The following ACLY variants were observed in gnomAD, a reference collection of about 807,000 sequenced individuals.
ACLY encodes ATP citrate lyase.
Under a neutral mutation model 133.0 loss-of-function variants are expected in ACLY, and 41 were observed. The observed-to-expected ratio is 0.31, with a 90% CI of 0.24 to 0.40. The LOEUF (loss-of-function observed/expected upper bound fraction) is 0.40, where lower values mean the gene tolerates loss of function less well. Among genes scored for constraint, ACLY ranks in the 10% least tolerant of loss-of-function variants. ACLY has a pLI of 1.00. For missense variants in ACLY, 1,046 were observed against 1,453.8 expected, an observed-to-expected ratio of 0.72 and a Z score of 4.56; for synonymous variants, 495 against 549.3, an observed-to-expected ratio of 0.90 and a Z score of 1.38.
Position 41,897,857 on chromosome 17 carries a change from G to C in ACLY, c.1339-18C>G. 6.2e-7 allele frequency: 1 copy of C among 1,607,954 alleles called. No homozygotes were observed. Among genetic ancestry groups the C allele is most frequent in the Non-Finnish European group, 8.5e-7 (1 of 1,176,994 alleles). On this transcript the variant is annotated intron_variant, in intron 12 of 28. Transcript: ENST00000352035. The stretch of plus-strand genomic sequence containing the variant: ...GCTGGCGTCTGGGGTGAGATAAGGA[G>C]AGAGTGTAAGAGGTAAGAGTCACAC...
intron 25 of ACLY, 91 bp from the exon 26 acceptor site, chr17:41,869,678 A>G (rs2048550852): frequency 9.0e-7 from 1 of 1,111,364 alleles, no homozygotes; most frequent in Non-Finnish European, 1.4e-6. Context: ...AGAACTGGAC[A>G]TATCCCAGCG....
upstream of ACLY, among the ~76,000 whole-genome samples, chr17:41,922,272 A>G (rs782678875): frequency 3.3e-5 from 5 of 150,328 alleles, no homozygotes; most frequent in Admixed American, 6.6e-5. Context: ...CCAGCTACTC[A>G]GGAGGCTGAG....
chr17:41,891,827 A>G (rs2049221607), intron 16 of ACLY, among the ~76,000 whole-genome samples: 1 of 152,168 alleles, frequency 6.6e-6, no homozygotes, highest in Non-Finnish European at 1.5e-5. Flanking sequence ...CTTCCTGAGT[A>G]GCTGGGACTA....
chr17:41,910,375 G>T, intron 3 of ACLY, 91 bp from the exon 4 acceptor site: 1 of 1,110,354 alleles, frequency 9.0e-7, no homozygotes, highest in Non-Finnish European at 1.3e-6. Flanking sequence ...TGGTGCCCAA[G>T]CACTCCCACC....
chr17:41,881,104 A>G (rs1292677070), intron 20 of ACLY, among the ~76,000 whole-genome samples: 1 of 151,296 alleles, frequency 6.6e-6, no homozygotes, highest in Non-Finnish European at 1.5e-5. Context: ...AGTTGGGGGG[A>G]GAGCAATGGA....
upstream of ACLY, chr17:41,919,089 CGCT>C: frequency 8.2e-7 from 1 of 1,212,372 alleles, no homozygotes; most frequent in Non-Finnish European, 1.0e-6. Context: ...CCTCCCAATT[CGCT>C]GCTGGCTTGG....
chr17:41,904,818 AAC>A (rs782589281), intron 9 of ACLY, 28 bp from the exon 10 acceptor site: 1 of 1,602,204 alleles, frequency 6.2e-7, no homozygotes, highest in Admixed American at 1.7e-5. Context: ...GAGAATCAAA[AAC>A]AGTTACATAG....
Position 41,893,067 on chromosome 17 carries a change from C to T in ACLY, c.1567G>A (p.Glu523Lys), listed in dbSNP as rs34533754. The change falls in exon 15 of 29, where the codon GAG (glutamate) becomes AAG (lysine). Residue 523 changes from glutamate (E) to lysine (K), a missense_variant. Glu to Lys is a moderately conservative substitution (Grantham distance 56, BLOSUM62 1). This residue lies in a region of ACLY where 575 missense variants were observed against 804.2 expected (regional missense o/e 0.71). Transcript: ENST00000352035. ...TAGACCATGGCAGCCACTGAGGGCT[C>T]GTCTCGGGAGCAGACATAGTCAAAG... is the stretch of plus-strand genomic sequence containing the variant. ...LDFDYVCSRD[E>K]PSVAAMVYPF... 1,327 of 1,614,050 alleles carry T rather than the reference C, an allele frequency of 8.2e-4. 8 individuals carry two copies. The African/African-American group carries it at 0.015, about 18-fold the overall frequency.
chr17:41,880,940 T>C (rs1350612980), intron 20 of ACLY, among the ~76,000 whole-genome samples: 2 of 150,252 alleles, frequency 1.3e-5, no homozygotes, highest in African/African-American at 4.9e-5. Flanking sequence ...TGCCACCAGA[T>C]ACTGAAATGC....
chr17:41,925,447 A>G (rs1336427699), intron 1 of ACLY, among the ~76,000 whole-genome samples: 1 of 151,024 alleles, frequency 6.6e-6, no homozygotes, highest in African/African-American at 2.4e-5. Flanking sequence ...AAAAAAAAAA[A>G]AAAAAACCCA....
intron 28 of ACLY, 23 bp downstream of exon 28, chr17:41,868,686 A>G: frequency 6.2e-7 from 1 of 1,608,282 alleles, no homozygotes; most frequent in Non-Finnish European, 8.5e-7. Context: ...AAAAACACTT[A>G]AAACAACAAC....
intron 16 of ACLY, among the ~76,000 whole-genome samples, chr17:41,891,499 C>T (rs549736625): frequency 6.6e-6 from 1 of 152,040 alleles, no homozygotes; most frequent in African/African-American, 2.4e-5. Context: ...ACCTCCCAGG[C>T]TCAAGTGATC....
At chr17:41,911,525 A>C (rs1375401083) in intron 3 of ACLY, among the ~76,000 whole-genome samples, 2 of 152,248 alleles carry the variant, frequency 1.3e-5, no homozygotes, top group Non-Finnish European at 2.9e-5. Context: ...GGGAGAAGTT[A>C]ATAATTGAAT....
rs2049090494 is a variant in ACLY, at chr17:41,887,620, C to A, written c.1854G>T (p.Val618=). 1.2e-6 allele frequency: 2 copies of A among 1,613,816 alleles called. No individual in the cohort carries two copies. Among genetic ancestry groups the A allele is most frequent in the South Asian group, 2.2e-5 (2 of 91,042 alleles). ...KLIKKADQKG[V]TIIGPATVGG... ...TCACAGTGGCAGGTCCGATGATGGTCACTCCCTTCTGGTCCGCCTTCTTGA... is the reference window on the plus strand; with the variant it reads ...TCACAGTGGCAGGTCCGATGATGGTAACTCCCTTCTGGTCCGCCTTCTTGA... Residue 618 remains valine, a synonymous_variant, in exon 17 of 29, where the codon GTG becomes GTT. Coordinates refer to ENST00000352035, the MANE Select transcript of ACLY (RefSeq NM_001096.3).
intron 22 of ACLY, 79 bp from the exon 23 acceptor site, chr17:41,874,044 C>G: frequency 7.4e-7 from 1 of 1,357,794 alleles, no homozygotes; most frequent in Non-Finnish European, 9.7e-7. Flanking sequence ...GCTGTGTGTA[C>G]TCTCAGAACC....
intron 5 of ACLY, 72 bp from the exon 6 acceptor site, chr17:41,909,140 A>G: frequency 8.3e-7 from 1 of 1,201,148 alleles, no homozygotes; most frequent in Non-Finnish European, 1.2e-6. Flanking sequence ...GGCGCCCCGC[A>G]GCAATCTCTC....
At chr17:41,873,502 T>TCA (rs1313245137) in intron 23 of ACLY, among the ~76,000 whole-genome samples, 4 of 152,148 alleles carry the variant, frequency 2.6e-5, no homozygotes, top group Admixed American at 2.6e-4. Flanking sequence ...TTCTATCTGT[T>TCA]CAGCAGCTCC....
intron 13 of ACLY, 80 bp downstream of exon 13, chr17:41,897,669 G>A (rs2049409628): frequency 7.3e-7 from 1 of 1,362,278 alleles, no homozygotes; most frequent in South Asian, 1.3e-5. Context: ...CAGCCCAGGG[G>A]GGAAAGGGAA....
rs375324022 is a variant in ACLY at position 41,907,589 on chromosome 17, G to C, written c.617-17C>G. The C allele has an allele frequency of 6.2e-7, 1 of 1,611,160 alleles. No individual in the cohort carries two copies. Among genetic ancestry groups the C allele is most frequent in the African/African-American group, 1.3e-5 (1 of 74,974 alleles). On this transcript the variant is annotated splice_polypyrimidine_tract_variant and intron_variant, in intron 6 of 28. Coordinates refer to ENST00000352035, the MANE Select transcript of ACLY (RefSeq NM_001096.3). ...TGGTCACTACTTCAAGGGGAGCAGA[G>C]GCAATCATCAGACACCGGCTCTGGG... is the stretch of plus-strand genomic sequence containing the variant.
Sources: gnomAD v4.1 joint callset for allele counts (sites outside exome capture counted in the v4.1 genomes callset) on GRCh38, gnomAD v4.1.1 for gene constraint, gnomAD v4.1.1 regional missense constraint, MANE v1.5 for transcripts, NCBI Gene and HGNC (gene_info 2026-07-23, HGNC 2026-07-21) for gene names.